Variants in CNTNAP4 observed in about 807,000 individuals in gnomAD.
The protein encoded by CNTNAP4 is contactin-associated protein-like 4.
In CNTNAP4, 98 loss-of-function variants were observed where a neutral mutation model predicts 148.4. The observed-to-expected ratio is 0.66, with a 90% CI of 0.56 to 0.78. The LOEUF is 0.78. Ranked by LOEUF, CNTNAP4 falls within the 30% of genes least tolerant of loss-of-function variation. CNTNAP4 has a pLI of 0.00. For synonymous variants in CNTNAP4, 730 were observed against 565.1 expected, an observed-to-expected ratio of 1.29 and a Z score of -4.14; for missense variants, 1,935 against 1,565.6, an observed-to-expected ratio of 1.24 and a Z score of -3.98.
intron 21 of CNTNAP4, among the ~76,000 whole-genome samples, chr16:76,543,828 C>A (rs1555601480): frequency 6.6e-6 from 1 of 152,174 alleles, no homozygotes; most frequent in Non-Finnish European, 1.5e-5. Flanking sequence ...GACCCTTGGT[C>A]AATTAATCTC....
At chr16:76,458,434 A>G (rs187552732) in intron 8 of CNTNAP4, among the ~76,000 whole-genome samples, 55 of 152,216 alleles carry the variant, frequency 3.6e-4, no homozygotes, top group African/African-American at 1.3e-3. Flanking sequence ...ATATAGTGAA[A>G]TAATTATACA....
Position 76,448,791 on chromosome 16 carries a change from C to T in CNTNAP4, c.767C>T (p.Ser256Phe). The T allele has an allele frequency of 6.2e-7, 1 of 1,610,266 alleles. No individual in the cohort carries two copies. Among genetic ancestry groups the T allele is most frequent in the Non-Finnish European group, 8.5e-7 (1 of 1,178,366 alleles). The change falls in exon 6 of 24, where the codon TCC becomes TTC. Residue 256 changes from serine (S) to phenylalanine (F), a missense_variant. Coordinates refer to ENST00000611870, the MANE Select transcript of CNTNAP4 (RefSeq NM_033401.5). ...GGTGAAGCTAAACTGCCTTCCACTT[C>T]CACCCTGGTCAATCTCACCCTGGGC... ...NSGEAKLPST[S>F]TLVNLTLGSL...
intron 1 of CNTNAP4, among the ~76,000 whole-genome samples, chr16:76,298,515 TGTGTGTGTGTGTGTGA>T (rs1013702261): frequency 2.1e-4 from 32 of 149,874 alleles, no homozygotes; most frequent in South Asian, 1.7e-3. Flanking sequence ...TGTGTGTGTG[TGTGTGTGTGTGTGTGA>T]GGTAAGGGGC....
intron 21 of CNTNAP4, among the ~76,000 whole-genome samples, chr16:76,552,949 A>G (rs1053606641): frequency 6.6e-6 from 1 of 152,206 alleles, no homozygotes; most frequent in Non-Finnish European, 1.5e-5. Context: ...TACAAGCCCT[A>G]TTGTAAATAC....
chr16:76,472,141 A>G (rs780018588), intron 10 of CNTNAP4, among the ~76,000 whole-genome samples: 12 of 151,460 alleles, frequency 7.9e-5, no homozygotes, highest in Admixed American at 6.6e-5. Context: ...GGGTTAATCA[A>G]TTGTCTTATC....
rs1442372648 is a variant in CNTNAP4, at chr16:76,498,131, C to G, written c.2238-436C>G. Among the ~76,000 whole-genome samples, 5 of 152,192 alleles carry G rather than the reference C, an allele frequency of 3.3e-5. 1 individual carries two copies. Among genetic ancestry groups the G allele is most frequent in the East Asian group, 3.9e-4 (2 of 5,182 alleles). On this transcript the variant is annotated intron_variant, in intron 14 of 23. Transcript: ENST00000611870. ...TTTGGCCAGGCCCAGTGGCTCACAC[C>G]TGTAATCCCCGCACTTCGGGAGGCT...
intron 3 of CNTNAP4, among the ~76,000 whole-genome samples, chr16:76,373,913 A>G (rs1303178648): frequency 6.6e-6 from 1 of 151,378 alleles, no homozygotes; most frequent in Non-Finnish European, 1.5e-5. Flanking sequence ...AAAAAAAAAA[A>G]AGAAAAGGAA....
chr16:76,524,931 A>G (rs2083650779), intron 17 of CNTNAP4, among the ~76,000 whole-genome samples: 1 of 152,040 alleles, frequency 6.6e-6, no homozygotes, highest in South Asian at 2.1e-4. Context: ...GCAAGCTGAC[A>G]TGATTTAGTG....
At chr16:76,392,507 T>G (rs966183123) in intron 3 of CNTNAP4, among the ~76,000 whole-genome samples, 34 of 152,262 alleles carry the variant, frequency 2.2e-4, no homozygotes, top group African/African-American at 7.9e-4. Flanking sequence ...TTATATATAT[T>G]TTTTTCAAGA....
chr16:76,305,835 A>C (rs909206539), intron 1 of CNTNAP4, among the ~76,000 whole-genome samples: 1 of 152,128 alleles, frequency 6.6e-6, no homozygotes, highest in Admixed American at 6.6e-5. Context: ...AGTAGTCTGC[A>C]GTGTCAGCTG....
chr16:76,347,137 T>TTGTGTG (rs56664519), intron 2 of CNTNAP4, among the ~76,000 whole-genome samples: 7,915 of 149,504 alleles, frequency 0.053, 449 homozygotes, highest in African/African-American at 0.15. Context: ...AGGCAATTGG[T>TTGTGTG]TGTGTGTGTG....
chr16:76,350,518 T>A (rs1965283821), intron 2 of CNTNAP4, among the ~76,000 whole-genome samples: 2 of 152,196 alleles, frequency 1.3e-5, no homozygotes, highest in Non-Finnish European at 2.9e-5. Context: ...CAGAAGCAAG[T>A]CCCTCAGAAA....
chr16:76,535,468 C>T, intron 17 of CNTNAP4, 77 bp from the exon 18 acceptor site: 1 of 1,505,124 alleles, frequency 6.6e-7, no homozygotes, highest in African/African-American at 1.4e-5. Flanking sequence ...CTCTGTAAGG[C>T]CTCAGTTTTG....
rs561240720 is a variant in CNTNAP4 at position 76,388,737 on chromosome 16, A to T, written c.390+33226A>T. Among the ~76,000 whole-genome samples the T allele has an allele frequency of 2.6e-5, 4 of 152,330 alleles. No individual in the cohort carries two copies. The South Asian group carries it at 8.3e-4, about 32-fold the overall frequency. Reference sequence around the variant, plus strand: ...TTTTAGATGCATCTAGATATTTCTTATGTAAATCTAAATGATGGAAATGTT... The same window carrying T: ...TTTTAGATGCATCTAGATATTTCTTTTGTAAATCTAAATGATGGAAATGTT... On this transcript the variant is annotated intron_variant, in intron 3 of 23. Transcript: ENST00000611870.
At chr16:76,298,376 G>A (rs926981419) in intron 1 of CNTNAP4, among the ~76,000 whole-genome samples, 3 of 152,276 alleles carry the variant, frequency 2.0e-5, no homozygotes, top group Admixed American at 2.0e-4. Flanking sequence ...GATTGGGTGG[G>A]AGAAAGTAGA....
intron 2 of CNTNAP4, among the ~76,000 whole-genome samples, chr16:76,335,386 G>A (rs1038935767): frequency 2.6e-5 from 4 of 152,160 alleles, no homozygotes; most frequent in Non-Finnish European, 5.9e-5. Flanking sequence ...GCAGATGACT[G>A]CACAGCTTGG....
chr16:76,476,889 A>G (rs2081605663), intron 11 of CNTNAP4, among the ~76,000 whole-genome samples: 1 of 152,162 alleles, frequency 6.6e-6, no homozygotes, highest in African/African-American at 2.4e-5. Context: ...GTTATCTTGC[A>G]ACCCTATTTA....
intron 15 of CNTNAP4, among the ~76,000 whole-genome samples, chr16:76,510,707 TG>T (rs1327796023): frequency 1.3e-5 from 2 of 152,232 alleles, no homozygotes; most frequent in Admixed American, 6.5e-5. Context: ...ATATAGGTTT[TG>T]TTTTTGAAAA....
intron 3 of CNTNAP4, among the ~76,000 whole-genome samples, chr16:76,397,174 G>A (rs1341600719): frequency 6.6e-6 from 1 of 151,886 alleles, no homozygotes; most frequent in African/African-American, 2.4e-5. Context: ...TATGTCGTAG[G>A]TGATACCTGA....
Sources: gnomAD v4.1 joint callset for allele counts (sites outside exome capture counted in the v4.1 genomes callset) on GRCh38, gnomAD v4.1.1 for gene constraint, MANE v1.5 for transcripts, NCBI Gene and HGNC (gene_info 2026-07-23, HGNC 2026-07-21) for gene names.